The following SLC30A8 variants were observed in gnomAD, a reference collection of about 807,000 sequenced individuals.
The protein encoded by SLC30A8 is proton-coupled zinc antiporter SLC30A8.
A neutral mutation model predicts 36.9 loss-of-function variants in SLC30A8; 27 were observed. The observed-to-expected ratio is 0.73, with a 90% CI of 0.54 to 1.01. SLC30A8 has a LOEUF of 1.01. SLC30A8 is among the 50% of genes least tolerant of loss of function. The pLI, the probability that SLC30A8 is intolerant of heterozygous loss-of-function variation, is 0.00. For synonymous variants in SLC30A8, 164 were observed against 172.4 expected, an observed-to-expected ratio of 0.95 and a Z score of 0.38; for missense variants, 439 against 452.0, an observed-to-expected ratio of 0.97 and a Z score of 0.26.
chr8:117,155,762 G>C (rs116421741), intron 3 of SLC30A8, among the ~76,000 whole-genome samples: 4,663 of 152,212 alleles, frequency 0.031, 205 homozygotes, highest in African/African-American at 0.093. Context: ...CAGTGGGGTT[G>C]GTTCCTTCTG....
At chr8:116,978,909 CT>C (rs918562571) in intron 1 of SLC30A8, among the ~76,000 whole-genome samples, 9 of 148,770 alleles carry the variant, frequency 6.0e-5, no homozygotes, top group East Asian at 2.0e-4. Flanking sequence ...AGGGCTGTAT[CT>C]TTTTTTTTTC....
chr8:117,080,352 TC>T (rs1818632932), intron 2 of SLC30A8, among the ~76,000 whole-genome samples: 3 of 152,100 alleles, frequency 2.0e-5, no homozygotes, highest in Non-Finnish European at 4.4e-5. Flanking sequence ...TATTTTAGAT[TC>T]GGGGATACAC....
chr8:117,133,164 TTATA>T (rs1169461826), upstream of SLC30A8, among the ~76,000 whole-genome samples: 1 of 152,014 alleles, frequency 6.6e-6, no homozygotes, highest in Non-Finnish European at 1.5e-5. Context: ...CACATAGGAC[TTATA>T]TAGTTTATCT....
intron 2 of SLC30A8, among the ~76,000 whole-genome samples, chr8:117,064,658 G>C (rs1184202304): frequency 6.6e-6 from 1 of 152,200 alleles, no homozygotes; most frequent in African/African-American, 2.4e-5. Context: ...CCATCGGACA[G>C]CCGAAGAGCA....
chr8:117,045,758 C>T (rs572665797), intron 2 of SLC30A8, among the ~76,000 whole-genome samples: 15 of 152,306 alleles, frequency 9.8e-5, no homozygotes, highest in African/African-American at 2.9e-4. Flanking sequence ...GGCTAGTAAA[C>T]ATCCATGTGA....
chr8:117,155,336 CCT>C (rs1272077004), intron 3 of SLC30A8, among the ~76,000 whole-genome samples: 3 of 152,086 alleles, frequency 2.0e-5, no homozygotes, highest in South Asian at 2.1e-4. Context: ...ACTTTCATAC[CCT>C]GTTTTGGATT....
At chr8:117,085,861 G>A (rs1818858152) in intron 2 of SLC30A8, among the ~76,000 whole-genome samples, 1 of 152,158 alleles carries the variant, frequency 6.6e-6, no homozygotes, top group Non-Finnish European at 1.5e-5. Context: ...AGGAGCTTAT[G>A]TGAGATAACT....
chr8:116,961,596 CAG>C (rs1272527800), intron 1 of SLC30A8, among the ~76,000 whole-genome samples: 2 of 151,958 alleles, frequency 1.3e-5, no homozygotes, highest in African/African-American at 2.4e-5. Context: ...GCTGCTATAA[CAG>C]AATACCACAG....
rs1823469389 is a variant in SLC30A8 at position 117,172,993 on chromosome 8, A to C, written c.*312A>C. ...TACCAAATTCATCTCCCTTCCAATA[A>C]TGCATCTTGAGAACACATAGGTAAA... is the stretch of plus-strand genomic sequence containing the variant. On this transcript the variant is annotated 3_prime_UTR_variant, in exon 8 of 8. Coordinates refer to ENST00000456015, the MANE Select transcript of SLC30A8 (RefSeq NM_173851.3). The C allele has an allele frequency of 3.5e-6, 1 of 282,890 alleles. No individual in the cohort carries two copies. The highest frequency in any genetic ancestry group is 6.6e-6 in the Non-Finnish European group (1 of 150,988). 17.5% of individuals were successfully genotyped at this position (282,890 alleles called of 1,614,324 possible). A position where few individuals can be genotyped will look rare whatever the true frequency, so the allele number is the denominator to read the frequency against.
At chr8:117,071,628 C>T (rs536272066) in intron 2 of SLC30A8, among the ~76,000 whole-genome samples, 138 of 152,162 alleles carry the variant, frequency 9.1e-4, no homozygotes, top group African/African-American at 3.0e-3. Flanking sequence ...TTGCCTCAAC[C>T]CATGCCATGG....
chr8:117,143,804 A>G (rs1287674330), intron 1 of SLC30A8, among the ~76,000 whole-genome samples: 2 of 152,088 alleles, frequency 1.3e-5, no homozygotes, highest in African/African-American at 4.8e-5. Context: ...GTATATCCAT[A>G]TTTGTTAACC....
intron 1 of SLC30A8, among the ~76,000 whole-genome samples, chr8:116,962,153 A>G (rs1814446539): frequency 6.6e-6 from 1 of 152,076 alleles, no homozygotes; most frequent in Non-Finnish European, 1.5e-5. Flanking sequence ...ATTGTTTGCC[A>G]TATACGTGGC....
chr8:117,064,517 A>G (rs1316335669), intron 2 of SLC30A8, among the ~76,000 whole-genome samples: 1 of 152,246 alleles, frequency 6.6e-6, no homozygotes, highest in Non-Finnish European at 1.5e-5. Flanking sequence ...TATTACAGCG[A>G]GATCTCAGAG....
At chr8:117,067,154 A>G (rs1466059241) in intron 2 of SLC30A8, among the ~76,000 whole-genome samples, 7 of 152,220 alleles carry the variant, frequency 4.6e-5, no homozygotes, top group East Asian at 1.9e-4. Context: ...CAAGAACAGC[A>G]TTAGGGTAAC....
chr8:117,047,313 T>G (rs1378857392), intron 2 of SLC30A8, among the ~76,000 whole-genome samples: 1 of 152,226 alleles, frequency 6.6e-6, no homozygotes, highest in African/African-American at 2.4e-5. Context: ...GCTCAGCTAC[T>G]TGAAGAAATA....
chr8:117,128,784 A>T (rs1310567315), intron 2 of SLC30A8, among the ~76,000 whole-genome samples: 1 of 152,062 alleles, frequency 6.6e-6, no homozygotes, highest in Non-Finnish European at 1.5e-5. Context: ...TTTAGTATGA[A>T]GGAAAAAGGG....
chr8:117,122,751 CTT>C (rs1820741154), intron 2 of SLC30A8, among the ~76,000 whole-genome samples: 1 of 151,972 alleles, frequency 6.6e-6, no homozygotes, highest in South Asian at 2.1e-4. Flanking sequence ...GTCTAAGTCT[CTT>C]TTCTGGCAAG....
intron 2 of SLC30A8, among the ~76,000 whole-genome samples, chr8:117,040,500 C>T (rs990276963): frequency 2.0e-5 from 3 of 152,158 alleles, no homozygotes; most frequent in African/African-American, 7.2e-5. Flanking sequence ...GCTACTTTAA[C>T]AAGGAAGCAA....
chr8:117,109,186 C>G (rs1486532384), intron 2 of SLC30A8, among the ~76,000 whole-genome samples: 1 of 152,174 alleles, frequency 6.6e-6, no homozygotes, highest in Non-Finnish European at 1.5e-5. Context: ...CTGTGTCATG[C>G]ACCTAGCCTT....
Sources: allele counts gnomAD v4.1 joint callset (sites outside exome capture counted in the v4.1 genomes callset), GRCh38; gene constraint gnomAD v4.1.1; transcripts MANE v1.5; gene names NCBI Gene and HGNC (gene_info 2026-07-23, HGNC 2026-07-21).